Variants in HIVEP3 observed in about 807,000 individuals in gnomAD.
The protein encoded by HIVEP3 is transcription factor HIVEP3.
HIVEP3 carries 49 observed loss-of-function variants against 152.8 expected under a neutral mutation model. The ratio of observed to expected loss-of-function variants is 0.32; its 90% confidence interval spans 0.26 to 0.41. The LOEUF (loss-of-function observed/expected upper bound fraction) is 0.41, where lower values mean the gene tolerates loss of function less well. HIVEP3 is among the 10% of genes least tolerant of loss of function. The pLI, the probability that HIVEP3 is intolerant of heterozygous loss-of-function variation, is 1.00. For synonymous variants in HIVEP3, 1,269 were observed against 1,289.0 expected, an observed-to-expected ratio of 0.98 and a Z score of 0.33; for missense variants, 2,790 against 3,103.3, an observed-to-expected ratio of 0.90 and a Z score of 2.40.
chr1:41,782,090 C>T (rs897111023), intron 1 of HIVEP3, among the ~76,000 whole-genome samples: 19 of 152,220 alleles, frequency 1.2e-4, no homozygotes, highest in Non-Finnish European at 1.0e-4. Context: ...CCAAATGTGG[C>T]ATGGATATAT....
chr1:41,842,377 G>A (rs146991228), intron 1 of HIVEP3, among the ~76,000 whole-genome samples: 1 of 152,252 alleles, frequency 6.6e-6, no homozygotes, highest in Non-Finnish European at 1.5e-5. Context: ...TCGAAGTCAT[G>A]TGGAGCCAGG....
At chr1:41,810,858 A>G (rs183027156) in intron 1 of HIVEP3, among the ~76,000 whole-genome samples, 1 of 141,334 alleles carries the variant, frequency 7.1e-6, no homozygotes, top group African/African-American at 2.6e-5. Context: ...TTAAGAAGCC[A>G]GGTGGCCTAT....
At chr1:41,613,425 C>A (rs1174702402) in intron 3 of HIVEP3, among the ~76,000 whole-genome samples, 1 of 152,188 alleles carries the variant, frequency 6.6e-6, no homozygotes. Flanking sequence ...TTTTGGAGAG[C>A]AGGGGCTGTA....
At chr1:41,972,878 T>C (rs773526590) in intron 1 of HIVEP3, among the ~76,000 whole-genome samples, 11 of 152,080 alleles carry the variant, frequency 7.2e-5, no homozygotes, top group Non-Finnish European at 1.3e-4. Context: ...AAAATAATAA[T>C]TATTATTTTG....
At chr1:41,611,176 G>C (rs570280546) in intron 3 of HIVEP3, among the ~76,000 whole-genome samples, 86 of 152,306 alleles carry the variant, frequency 5.6e-4, no homozygotes, top group African/African-American at 2.0e-3. Flanking sequence ...GCAAATGAAT[G>C]AGTGAATGGA....
At chr1:41,760,973 C>T (rs977179560) in intron 1 of HIVEP3, among the ~76,000 whole-genome samples, 2 of 152,238 alleles carry the variant, frequency 1.3e-5, no homozygotes, top group Admixed American at 1.3e-4. Context: ...TTTGAGCCTA[C>T]ACTCAGCTCC....
chr1:41,560,009 T>C (rs564695423), intron 5 of HIVEP3, among the ~76,000 whole-genome samples: 1 of 152,292 alleles, frequency 6.6e-6, no homozygotes, highest in Non-Finnish European at 1.5e-5. Context: ...AGATTCTAGA[T>C]TTTCATGCAG....
chr1:41,764,800 GAC>G (rs1647907846), intron 1 of HIVEP3, among the ~76,000 whole-genome samples: 1 of 152,172 alleles, frequency 6.6e-6, no homozygotes, highest in Non-Finnish European at 1.5e-5. Context: ...AGAAGTTTTT[GAC>G]AATCCGTCAG....
chr1:41,609,631 C>T (rs1644870348), intron 3 of HIVEP3, among the ~76,000 whole-genome samples: 1 of 152,258 alleles, frequency 6.6e-6, no homozygotes, highest in Non-Finnish European at 1.5e-5. Context: ...ACCCTTCAGC[C>T]TCCCCACTAG....
chr1:41,958,855 T>C (rs1570844979), intron 1 of HIVEP3, among the ~76,000 whole-genome samples: 1 of 151,782 alleles, frequency 6.6e-6, no homozygotes, highest in Non-Finnish European at 1.5e-5. Context: ...GGGGCTTGGG[T>C]AAAACTAGAT....
chr1:41,520,812 G>A (rs757151829), intron 6 of HIVEP3, among the ~76,000 whole-genome samples: 14 of 152,188 alleles, frequency 9.2e-5, no homozygotes, highest in African/African-American at 2.7e-4. Context: ...TTCAACCCCC[G>A]CCAGGCTGAG....
chr1:41,544,170 A>G (rs1185576344), intron 5 of HIVEP3: 1 of 151,890 alleles, frequency 6.6e-6, no homozygotes, highest in African/African-American at 2.4e-5. Context: ...GGCTAACTGG[A>G]CCCCACACTG....
chr1:41,616,460 G>A lies in HIVEP3; in HGVS notation c.-522+12289C>T, dbSNP rs150858002. On this transcript the variant is annotated intron_variant, in intron 3 of 8. Transcript: ENST00000372583. ...GGACGCACAGAGTCTCAGAGTCTCC[G>A]GGTTGAAGGGACTGCCAAGGACACT... is the stretch of plus-strand genomic sequence containing the variant. Among the ~76,000 whole-genome samples the A allele has an allele frequency of 8.5e-4, 130 of 152,260 alleles. 1 individual carries two copies. Among genetic ancestry groups the A allele is most frequent in the African/African-American group, 2.9e-3 (119 of 41,524 alleles).
chr1:41,728,403 C>T (rs775619123), intron 1 of HIVEP3, among the ~76,000 whole-genome samples: 49 of 151,932 alleles, frequency 3.2e-4, no homozygotes, highest in African/African-American at 6.3e-4. Flanking sequence ...TAATGATAGA[C>T]GGCACCCAGG....
intron 1 of HIVEP3, among the ~76,000 whole-genome samples, chr1:41,890,119 G>A (rs565911226): frequency 9.8e-5 from 15 of 152,322 alleles, no homozygotes; most frequent in African/African-American, 3.6e-4. Context: ...TTCCTTGTCT[G>A]TAAAATGGGG....
At chr1:41,923,533 A>C (rs1250210273), upstream of HIVEP3, among the ~76,000 whole-genome samples, 1 of 152,156 alleles carries the variant, frequency 6.6e-6, no homozygotes, top group Non-Finnish European at 1.5e-5. Context: ...ATGGGAACAA[A>C]GTTTCAGTTA....
upstream of HIVEP3, among the ~76,000 whole-genome samples, chr1:41,918,923 T>G (rs1201755671): frequency 2.0e-5 from 3 of 152,166 alleles, no homozygotes; most frequent in African/African-American, 7.2e-5. The surrounding 1 kb of genome is among the most constrained non-coding windows in gnomAD (Gnocchi z 4.3). Flanking sequence ...AGTCCAGACC[T>G]TTTTTGAAAG....
intron 3 of HIVEP3, among the ~76,000 whole-genome samples, chr1:41,625,733 T>C (rs72669075): frequency 0.042 from 6,406 of 152,196 alleles, 218 homozygotes; most frequent in Middle Eastern, 0.095. Context: ...AGACAGTATA[T>C]ATCAAAAATA....
At position 41,582,956 on chromosome 1, in the gene HIVEP3, G is replaced by C; in HGVS notation, c.1842C>G (p.Ala614=). The C allele has an allele frequency of 6.2e-7, 1 of 1,614,096 alleles. No homozygotes were observed. The highest frequency in any genetic ancestry group is 8.5e-7 in the Non-Finnish European group (1 of 1,180,028). The change falls in exon 4 of 9, where the codon GCC becomes GCG. Residue 614 remains alanine (A), a synonymous_variant. Coordinates refer to ENST00000372583, the MANE Select transcript of HIVEP3 (RefSeq NM_024503.5). The surrounding 1 kb of genome is among the most constrained non-coding windows in gnomAD (Gnocchi z 4.7). ...EEPGPSSKDT[A]SKPSDEVEPK... ...GTTCCACTTCGTCCGAGGGCTTGGAGGCTGTGTCTTTGCTGCTTGGGCCAG... is the reference window on the plus strand; with the variant it reads ...GTTCCACTTCGTCCGAGGGCTTGGACGCTGTGTCTTTGCTGCTTGGGCCAG...
Sources: allele counts gnomAD v4.1 joint callset (sites outside exome capture counted in the v4.1 genomes callset), GRCh38; gene constraint gnomAD v4.1.1; non-coding constraint Gnocchi (gnomAD v3.1); transcripts MANE v1.5; gene names NCBI Gene and HGNC (gene_info 2026-07-23, HGNC 2026-07-21).